The following YEATS4 variants were observed in gnomAD, a reference collection of about 807,000 sequenced individuals.
YEATS4 encodes the protein YEATS domain containing 4, also known as YEATS domain-containing protein 4.
A neutral mutation model predicts 30.1 loss-of-function variants in YEATS4; 17 were observed. The observed-to-expected ratio is 0.56, with a 90% CI of 0.39 to 0.85. The LOEUF is 0.85. Among genes scored for constraint, YEATS4 ranks in the 40% least tolerant of loss-of-function variants. The probability of loss-of-function intolerance (pLI) is 0.00; values close to 1 mark genes in which losing one functional copy is unlikely to be tolerated. For synonymous variants in YEATS4, 85 were observed against 87.5 expected (o/e 0.97, Z 0.16); for missense variants, 142 against 268.3 (o/e 0.53, Z 3.29).
chr12:69,421,402 G>A, the YEATS4 span, among the ~76,000 whole-genome samples: 1 of 152,144 alleles, frequency 6.6e-6, no homozygotes, highest in African/African-American at 2.4e-5. Flanking sequence ...TAATGGTTTT[G>A]TATTTGTCAG....
chr12:69,417,002 G>A, the YEATS4 span, among the ~76,000 whole-genome samples: 1 of 151,720 alleles, frequency 6.6e-6, no homozygotes, highest in Non-Finnish European at 1.5e-5. Context: ...GAACCCAGGA[G>A]GCGGAGGTTG....
At chr12:69,410,745 A>G in the YEATS4 span, among the ~76,000 whole-genome samples, 1 of 152,174 alleles carries the variant, frequency 6.6e-6, no homozygotes, top group Non-Finnish European at 1.5e-5. Context: ...TTGAACTGAC[A>G]AGCTATTCCC....
chr12:69,403,364 G>A, the YEATS4 span, among the ~76,000 whole-genome samples: 2 of 152,068 alleles, frequency 1.3e-5, no homozygotes, highest in African/African-American at 4.8e-5. Context: ...ATCACTTGAG[G>A]TCAGGAGTTT....
At chr12:69,391,912 G>GGTA (rs1342956227), downstream of YEATS4, among the ~76,000 whole-genome samples, 5 of 152,270 alleles carry the variant, frequency 3.3e-5, no homozygotes, top group African/African-American at 1.2e-4. Flanking sequence ...AGTCCATGTA[G>GGTA]GTAGGTCTGA....
chr12:69,420,795 C>G, the YEATS4 span, among the ~76,000 whole-genome samples: 1 of 152,186 alleles, frequency 6.6e-6, no homozygotes, highest in Admixed American at 6.5e-5. Context: ...AGCTACCACT[C>G]CCTTCCCTTC....
At chr12:69,376,995 G>A (rs1390133280) in intron 6 of YEATS4, among the ~76,000 whole-genome samples, 1 of 152,126 alleles carries the variant, frequency 6.6e-6, no homozygotes, top group Non-Finnish European at 1.5e-5. Context: ...GCATATAATT[G>A]CTCATAGTGG....
intron 6 of YEATS4, among the ~76,000 whole-genome samples, chr12:69,371,359 TTATC>T (rs1266287729): frequency 1.3e-5 from 2 of 152,232 alleles, no homozygotes; most frequent in Non-Finnish European, 2.9e-5. Context: ...GTGAACTAGT[TTATC>T]TTATATTTTT....
chr12:69,422,084 A>G, the YEATS4 span, among the ~76,000 whole-genome samples: 1 of 152,158 alleles, frequency 6.6e-6, no homozygotes, highest in Non-Finnish European at 1.5e-5. Flanking sequence ...GCTAATAGGT[A>G]TCAAAGGGAA....
rs1868305224 is a variant in YEATS4 at position 69,390,502 on chromosome 12, A to G, written c.*186A>G. On this transcript the variant is annotated 3_prime_UTR_variant, in exon 7 of 7. Transcript: ENST00000247843. ...AATCTTTAATGGAAAATATGTGTGT[A>G]AGAATGGATGCTATATAGGTATTTT... The G allele has an allele frequency of 2.2e-6, 1 of 452,204 alleles. No homozygotes were observed. Among genetic ancestry groups the G allele is most frequent in the African/African-American group, 2.0e-5 (1 of 49,020 alleles). 28.0% of individuals were successfully genotyped at this position (452,204 alleles called of 1,614,324 possible).
intron 6 of YEATS4, 116 bp from the exon 7 acceptor site, chr12:69,390,031 G>A (rs112833433): frequency 2.4e-6 from 2 of 833,510 alleles, no homozygotes; most frequent in African/African-American, 3.6e-5. Context: ...TAATTCTTAA[G>A]TTATCCACAT....
Position 69,359,939 on chromosome 12 carries a change from T to C in YEATS4, c.-34T>C, listed in dbSNP as rs1240807095. ...GCGACCCCGCCAGCCCCGGTCTCTT[T>C]CCCTGGCGGCGGCGGCTTCTTCCGT... On this transcript the variant is annotated 5_prime_UTR_variant, in exon 1 of 7. Coordinates refer to ENST00000247843, the MANE Select transcript of YEATS4 (RefSeq NM_006530.4). 1 of 1,611,876 alleles carries C rather than the reference T, an allele frequency of 6.2e-7. No homozygotes were observed.
downstream of YEATS4, among the ~76,000 whole-genome samples, chr12:69,395,438 G>A (rs2121107071): frequency 6.6e-6 from 1 of 152,022 alleles, no homozygotes; most frequent in South Asian, 2.1e-4. Context: ...GTTTGTTGGT[G>A]GGGGAGGGAA....
the YEATS4 span, among the ~76,000 whole-genome samples, chr12:69,421,183 A>G: frequency 2.6e-5 from 4 of 152,078 alleles, no homozygotes; most frequent in Non-Finnish European, 5.9e-5. Context: ...TTGTTTATCT[A>G]TCTGTCAGTT....
At chr12:69,388,057 ATTTTTAT>A (rs1300782592) in intron 6 of YEATS4, among the ~76,000 whole-genome samples, 2 of 65,932 alleles carry the variant, frequency 3.0e-5, no homozygotes, top group African/African-American at 5.9e-5. Flanking sequence ...TATTTTTTTT[ATTTTTAT>A]TTTTTTTTTT....
intron 1 of YEATS4, 146 bp from the exon 2 acceptor site, chr12:69,362,642 T>C: frequency 1.9e-6 from 1 of 529,882 alleles, no homozygotes; most frequent in Non-Finnish European, 3.1e-6. Context: ...AGGATGTGTC[T>C]GAAATTGATT....
chr12:69,426,892 T>G, the YEATS4 span, among the ~76,000 whole-genome samples: 1 of 152,240 alleles, frequency 6.6e-6, no homozygotes, highest in East Asian at 1.9e-4. Context: ...TTAAACATTA[T>G]CAGTTTGAGC....
chr12:69,405,089 G>T, the YEATS4 span, among the ~76,000 whole-genome samples: 2 of 152,198 alleles, frequency 1.3e-5, no homozygotes, highest in Non-Finnish European at 2.9e-5. Context: ...CTGTGTCAAA[G>T]CCTGCAGGGC....
chr12:69,363,737 C>T (rs1875324132), intron 2 of YEATS4, among the ~76,000 whole-genome samples: 1 of 152,014 alleles, frequency 6.6e-6, no homozygotes, highest in African/African-American at 2.4e-5. Context: ...CAGAGTCTAC[C>T]CAAAAACTTG....
chr12:69,364,143 G>C, intron 2 of YEATS4: 1 of 446,104 alleles, frequency 2.2e-6, no homozygotes, highest in South Asian at 1.6e-5. Context: ...ATTCTTATGA[G>C]ACTCTGTGAA....
Sources: gnomAD v4.1 joint callset for allele counts (sites outside exome capture counted in the v4.1 genomes callset) on GRCh38, gnomAD v4.1.1 for gene constraint, MANE v1.5 for transcripts, NCBI Gene and HGNC (gene_info 2026-07-23, HGNC 2026-07-21) for gene names.